The following TEX26 variants were observed in gnomAD, a reference collection of about 807,000 sequenced individuals.
The protein encoded by TEX26 is testis expressed 26.
In TEX26, 34 loss-of-function variants were observed where a neutral mutation model predicts 35.3. The observed-to-expected ratio is 0.96, with a 90% CI of 0.73 to 1.28. The LOEUF (loss-of-function observed/expected upper bound fraction) is 1.28. Among genes scored for constraint, TEX26 ranks in the 50% most tolerant of loss-of-function variants. The pLI is 0.00. For synonymous variants in TEX26, 136 were observed against 111.8 expected (o/e 1.22, Z -1.36); for missense variants, 371 against 330.1 (o/e 1.12, Z -0.96).
intron 2 of TEX26, 148 bp from the exon 3 acceptor site, chr13:30,952,510 GAA>G: frequency 1.6e-6 from 1 of 637,598 alleles, no homozygotes; most frequent in Non-Finnish European, 2.5e-6. Flanking sequence ...TTCCTTCAAG[GAA>G]AACCTGAAAT....
At chr13:30,957,139 C>T in intron 4 of TEX26, 110 bp downstream of exon 4, 1 of 1,133,702 alleles carries the variant, frequency 8.8e-7, no homozygotes, top group Non-Finnish European at 1.2e-6. Context: ...GAAGTCTAGG[C>T]ATGGAGACAG....
At chr13:30,965,921 C>T (rs1233130561) in intron 4 of TEX26, among the ~76,000 whole-genome samples, 1 of 152,100 alleles carries the variant, frequency 6.6e-6, no homozygotes, top group Non-Finnish European at 1.5e-5. Flanking sequence ...ATATGGCGAC[C>T]CTGGCCCTAT....
rs140369924 is a variant in TEX26, at chr13:30,966,243, C to G, written c.491C>G (p.Ser164Cys). 1.9e-6 allele frequency: 3 copies of G among 1,613,802 alleles called. No homozygotes were observed. Among genetic ancestry groups the G allele is most frequent in the Non-Finnish European group, 2.5e-6 (3 of 1,179,998 alleles). The stretch of plus-strand genomic sequence containing the variant: ...CCAGCTCAGAAGATTAAGAAAAGTT[C>G]TCACTTGTCTCTGGAATGGAAAAAG... ...RSKAQKIKKS[S>C]HLSLEWKKLL... The change falls in exon 5 of 7, where the codon TCT (serine) becomes TGT (cysteine). Residue 164 changes from serine (S) to cysteine (C), a missense_variant. Physicochemically the swap from Ser to Cys is moderately radical, Grantham distance 112 (BLOSUM62 -1). Coordinates refer to ENST00000380473, the MANE Select transcript of TEX26 (RefSeq NM_152325.3).
chr13:30,951,928 A>G lies in TEX26; in HGVS notation c.147-732A>G, dbSNP rs534031285. ...TCTTACCTCATTTAATCTTTAAAAAAAAAGAGAGAAAGAGAACTTTTTTTT... is the reference window on the plus strand; with the variant it reads ...TCTTACCTCATTTAATCTTTAAAAAGAAAGAGAGAAAGAGAACTTTTTTTT... On this transcript the variant is annotated intron_variant, in intron 2 of 6. Coordinates refer to ENST00000380473, the MANE Select transcript of TEX26 (RefSeq NM_152325.3). 2.7e-4 allele frequency among the ~76,000 whole-genome samples: 34 copies of G among 124,030 alleles called. 1 individual carries two copies. In the South Asian group the frequency reaches 7.7e-3, roughly 28 times the overall value. 81.4% of individuals were successfully genotyped at this position (124,030 alleles called of 152,430 possible). A position where few individuals can be genotyped will look rare whatever the true frequency, so the allele number is the denominator to read the frequency against.
intron 6 of TEX26, among the ~76,000 whole-genome samples, chr13:30,971,168 T>C (rs1171404797): frequency 6.6e-6 from 1 of 152,176 alleles, no homozygotes; most frequent in African/African-American, 2.4e-5. Flanking sequence ...GAAAAACAAA[T>C]GGAAGTTTCC....
intron 6 of TEX26, among the ~76,000 whole-genome samples, chr13:30,973,669 C>T (rs562555877): frequency 1.3e-5 from 2 of 152,274 alleles, no homozygotes; most frequent in South Asian, 2.1e-4. Flanking sequence ...CACACACAAA[C>T]GCACACACAG....
intron 1 of TEX26, among the ~76,000 whole-genome samples, chr13:30,938,645 C>T (rs977142800): frequency 2.6e-5 from 4 of 152,166 alleles, no homozygotes; most frequent in African/African-American, 9.7e-5. Flanking sequence ...GATTAAGTTC[C>T]CAATACACAA....
rs1263205836 is a variant in TEX26 at position 30,957,037 on chromosome 13, C to T, written c.469+8C>T. 1.2e-6 allele frequency: 2 copies of T among 1,611,236 alleles called. No homozygotes were observed. On this transcript the variant is annotated splice_region_variant and intron_variant, in intron 4 of 6. Coordinates refer to ENST00000380473, the MANE Select transcript of TEX26 (RefSeq NM_152325.3). ...TTGTGGACAGATCAAAAGGTAAACA[C>T]TTTTGTTTTTCTTTTTTTCCTGGGT...
chr13:30,966,116 T>A, intron 4 of TEX26, 106 bp from the exon 5 acceptor site: 1 of 1,128,784 alleles, frequency 8.9e-7, no homozygotes, highest in Non-Finnish European at 1.3e-6. Flanking sequence ...TCCATTGAAG[T>A]GTTCATACAG....
chr13:30,935,277 TG>T (rs1953230495), intron 1 of TEX26, among the ~76,000 whole-genome samples: 1 of 152,186 alleles, frequency 6.6e-6, no homozygotes, highest in Non-Finnish European at 1.5e-5. Flanking sequence ...TGGAAGGGGC[TG>T]GGGTCCCCAG....
intron 6 of TEX26, among the ~76,000 whole-genome samples, chr13:30,972,032 C>G (rs1262123354): frequency 6.6e-6 from 1 of 152,188 alleles, no homozygotes; most frequent in Non-Finnish European, 1.5e-5. Context: ...AATCCTTCTT[C>G]TCAGGGAACT....
At chr13:30,972,301 T>C (rs1203300770) in intron 6 of TEX26, among the ~76,000 whole-genome samples, 1 of 152,220 alleles carries the variant, frequency 6.6e-6, no homozygotes, top group Non-Finnish European at 1.5e-5. Context: ...TTATACATAA[T>C]AAAGATTGGT....
intron 6 of TEX26, among the ~76,000 whole-genome samples, chr13:30,971,223 A>G (rs1954700631): frequency 6.6e-6 from 1 of 152,218 alleles, no homozygotes; most frequent in Non-Finnish European, 1.5e-5. Context: ...TTCTTGTGTC[A>G]GGCATGGCAC....
intron 1 of TEX26, among the ~76,000 whole-genome samples, chr13:30,937,204 T>A (rs1404818195): frequency 1.3e-5 from 2 of 152,126 alleles, no homozygotes; most frequent in Non-Finnish European, 2.9e-5. Flanking sequence ...AGACTCCTGA[T>A]CCAGGCACCT....
intron 4 of TEX26, among the ~76,000 whole-genome samples, chr13:30,959,099 T>A (rs1954242217): frequency 6.6e-6 from 1 of 152,206 alleles, no homozygotes. Flanking sequence ...CCTTCCCAGC[T>A]AAAATTCCTT....
At chr13:30,970,181 G>A (rs1485564260) in intron 6 of TEX26, among the ~76,000 whole-genome samples, 25 of 43,842 alleles carry the variant, frequency 5.7e-4, no homozygotes, top group African/African-American at 1.4e-3. Flanking sequence ...GTGTGTGTGT[G>A]TGTGTGTGTG....
chr13:30,941,583 AC>A (rs912196861), intron 2 of TEX26, among the ~76,000 whole-genome samples: 1 of 152,142 alleles, frequency 6.6e-6, no homozygotes, highest in Non-Finnish European at 1.5e-5. Flanking sequence ...ATTTTAGGGT[AC>A]CCGTAACTAA....
intron 4 of TEX26, among the ~76,000 whole-genome samples, chr13:30,959,635 C>G (rs1387998680): frequency 6.6e-6 from 1 of 152,144 alleles, no homozygotes; most frequent in East Asian, 1.9e-4. Flanking sequence ...TTGTTTTTCT[C>G]TACGTGTTTA....
intron 2 of TEX26, among the ~76,000 whole-genome samples, chr13:30,949,058 C>G (rs770050614): frequency 6.6e-6 from 1 of 152,086 alleles, no homozygotes; most frequent in Non-Finnish European, 1.5e-5. Flanking sequence ...TGTAGATATG[C>G]GGCATTATTT....
Sources: gnomAD v4.1 joint callset for allele counts (sites outside exome capture counted in the v4.1 genomes callset) on GRCh38, gnomAD v4.1.1 for gene constraint, MANE v1.5 for transcripts, NCBI Gene and HGNC (gene_info 2026-07-23, HGNC 2026-07-21) for gene names.